PTPRN2: variants seen among roughly 807,000 people sequenced by gnomAD.
The protein encoded by PTPRN2 is receptor-type tyrosine-protein phosphatase N2.
A neutral mutation model predicts 118.8 loss-of-function variants in PTPRN2; 74 were observed. The observed-to-expected ratio is 0.62, with a 90% CI of 0.52 to 0.76. The LOEUF (loss-of-function observed/expected upper bound fraction) is 0.76, where lower values mean the gene tolerates loss of function less well. PTPRN2 is among the 30% of genes least tolerant of loss of function. The pLI, the probability that PTPRN2 is intolerant of heterozygous loss-of-function variation, is 0.00. For missense variants in PTPRN2, 1,481 were observed against 1,394.4 expected, an observed-to-expected ratio of 1.06 and a Z score of -0.99; for synonymous variants, 641 against 608.0, an observed-to-expected ratio of 1.05 and a Z score of -0.80.
intron 14 of PTPRN2, among the ~76,000 whole-genome samples, chr7:157,641,810 AG>A (rs1372350963): frequency 6.6e-6 from 1 of 152,202 alleles, no homozygotes; most frequent in Non-Finnish European, 1.5e-5. Flanking sequence ...TTCGGGTTCA[AG>A]AAGTCACAAC....
At chr7:157,655,238 T>A (rs531866110) in intron 14 of PTPRN2, among the ~76,000 whole-genome samples, 1 of 152,310 alleles carries the variant, frequency 6.6e-6, no homozygotes, top group South Asian at 2.1e-4. Flanking sequence ...TTTTAAGTTA[T>A]CCAGGGAGAA....
chr7:157,761,387 G>T (rs1237829756), intron 12 of PTPRN2, among the ~76,000 whole-genome samples: 4 of 149,160 alleles, frequency 2.7e-5, no homozygotes, highest in South Asian at 2.1e-4. Flanking sequence ...GCATGGTACT[G>T]GTACCAAAAC....
At chr7:157,872,410 C>T (rs1225403543) in intron 12 of PTPRN2, among the ~76,000 whole-genome samples, 1 of 132,378 alleles carries the variant, frequency 7.6e-6, no homozygotes, top group Non-Finnish European at 1.6e-5. Context: ...CACACACATA[C>T]CCAGTGTCTT....
chr7:158,459,083 T>C (rs1020587909), intron 2 of PTPRN2, among the ~76,000 whole-genome samples: 1 of 152,162 alleles, frequency 6.6e-6, no homozygotes, highest in Non-Finnish European at 1.5e-5. Flanking sequence ...TGCCCTGGGC[T>C]GGACTTGCTG....
intron 1 of PTPRN2, among the ~76,000 whole-genome samples, chr7:158,524,798 C>A (rs1024928513): frequency 6.6e-6 from 1 of 152,220 alleles, no homozygotes; most frequent in African/African-American, 2.4e-5. Flanking sequence ...CCCACGGAAT[C>A]TGCATACACA....
chr7:158,459,326 CA>C (rs1239719166), intron 2 of PTPRN2, among the ~76,000 whole-genome samples: 4 of 151,466 alleles, frequency 2.6e-5, no homozygotes, highest in Admixed American at 6.6e-5. Context: ...GAATCCAGAG[CA>C]CCCGCCTGGG....
chr7:158,110,843 C>G lies in PTPRN2; in HGVS notation c.1629G>C (p.Ala543=). Residue 543 remains alanine (A), a synonymous_variant, in exon 10 of 23, where the codon GCG becomes GCC. Coordinates refer to ENST00000389418, the MANE Select transcript of PTPRN2 (RefSeq NM_002847.5). ...VARLLQVPSS[A]FADVEVLGPA... ...CCCGTACTTACTCCACGTCAGCGAA[C>G]GCACTGCTGGGCACCTGCAGGAGGC... 6.3e-7 allele frequency: 1 copy of G among 1,588,492 alleles called. No homozygotes were observed. The highest frequency in any genetic ancestry group is 1.1e-5 in the South Asian group (1 of 87,240).
At chr7:157,624,621 TG>T (rs1490575704) in intron 14 of PTPRN2, among the ~76,000 whole-genome samples, 2 of 152,206 alleles carry the variant, frequency 1.3e-5, no homozygotes, top group Non-Finnish European at 2.9e-5. Context: ...ACAGAATGGT[TG>T]CATGGGTACT....
chr7:157,572,616 C>T (rs1024031715), intron 19 of PTPRN2, among the ~76,000 whole-genome samples: 1 of 152,254 alleles, frequency 6.6e-6, no homozygotes, highest in Non-Finnish European at 1.5e-5. Flanking sequence ...TTCTCCTCCT[C>T]TCTTCCTATT....
chr7:158,257,521 C>A (rs1339109092), intron 3 of PTPRN2, among the ~76,000 whole-genome samples: 1 of 152,224 alleles, frequency 6.6e-6, no homozygotes, highest in Non-Finnish European at 1.5e-5. Flanking sequence ...TTCTGGGGGG[C>A]CCTCAAGCTC....
At chr7:158,057,133 T>C (rs990866116) in intron 11 of PTPRN2, among the ~76,000 whole-genome samples, 12 of 152,216 alleles carry the variant, frequency 7.9e-5, no homozygotes, top group African/African-American at 2.9e-4. Context: ...GGAGCATCTA[T>C]CATCAATCCT....
chr7:158,138,935 C>T (rs572235609), intron 6 of PTPRN2, among the ~76,000 whole-genome samples: 176 of 152,244 alleles, frequency 1.2e-3, no homozygotes, highest in African/African-American at 3.4e-3. Context: ...GCAAGGACAG[C>T]GCCCTGCCCA....
intron 1 of PTPRN2, among the ~76,000 whole-genome samples, chr7:158,557,372 C>A (rs1827111331): frequency 6.6e-6 from 1 of 151,308 alleles, no homozygotes; most frequent in South Asian, 2.1e-4. Flanking sequence ...GGTCAGGCGG[C>A]TCCCACGCAG....
intron 2 of PTPRN2, among the ~76,000 whole-genome samples, chr7:158,365,316 T>A (rs1809350055): frequency 1.3e-5 from 2 of 152,176 alleles, no homozygotes; most frequent in Non-Finnish European, 1.5e-5. Context: ...TCGGCACTTC[T>A]GACAACGGCA....
At chr7:157,725,991 C>G (rs1459161037) in intron 12 of PTPRN2, among the ~76,000 whole-genome samples, 1 of 143,554 alleles carries the variant, frequency 7.0e-6, no homozygotes, top group African/African-American at 2.7e-5. Flanking sequence ...GCCAGACCCT[C>G]GCCTCCCAGG....
At chr7:157,795,121 G>A (rs796596661) in intron 12 of PTPRN2, among the ~76,000 whole-genome samples, 7 of 131,428 alleles carry the variant, frequency 5.3e-5, no homozygotes, top group East Asian at 2.8e-4. Context: ...CAAGCTCAAA[G>A]CCCCCTCACC....
chr7:157,753,281 G>A (rs1025613181), intron 12 of PTPRN2, among the ~76,000 whole-genome samples: 6 of 152,138 alleles, frequency 3.9e-5, no homozygotes, highest in South Asian at 2.1e-4. Context: ...TTCCCTGGCC[G>A]ATGCCCACTG....
chr7:158,201,505 G>A (rs1826646532), intron 4 of PTPRN2, among the ~76,000 whole-genome samples: 2 of 152,128 alleles, frequency 1.3e-5, no homozygotes. Flanking sequence ...GCCCTGCAAA[G>A]TCTCTTGTGG....
At chr7:158,314,910 C>T (rs906373712) in intron 3 of PTPRN2, among the ~76,000 whole-genome samples, 1 of 149,910 alleles carries the variant, frequency 6.7e-6, no homozygotes, top group African/African-American at 2.4e-5. Context: ...GAGGTGAACC[C>T]GGGACGCCCT....
Sources: allele counts gnomAD v4.1 joint callset (sites outside exome capture counted in the v4.1 genomes callset), GRCh38; gene constraint gnomAD v4.1.1; transcripts MANE v1.5; gene names NCBI Gene and HGNC (gene_info 2026-07-23, HGNC 2026-07-21).